Variants in DCDC1 observed in about 807,000 individuals in gnomAD.
The protein encoded by DCDC1 is doublecortin domain-containing protein 1.
DCDC1 carries 200 observed loss-of-function variants against 178.3 expected under a neutral mutation model. The ratio of observed to expected loss-of-function variants is 1.12; its 90% CI spans 1.00 to 1.26. The LOEUF (loss-of-function observed/expected upper bound fraction) is 1.26. Among genes scored for constraint, DCDC1 ranks in the 50% most tolerant of loss-of-function variants. The probability of loss-of-function intolerance (pLI) is 0.00; values close to 1 mark genes in which losing one functional copy is unlikely to be tolerated. For missense variants in DCDC1, 1,983 were observed against 1,749.2 expected (o/e 1.13, Z -2.38); for synonymous variants, 690 against 604.8 (o/e 1.14, Z -2.07).
chr11:31,334,796 C>T (rs1020880542), intron 2 of DCDC1, among the ~76,000 whole-genome samples: 2 of 152,150 alleles, frequency 1.3e-5, no homozygotes, highest in African/African-American at 4.8e-5. Flanking sequence ...GGGGTACCCG[C>T]CTATATGAGG....
intron 20 of DCDC1, among the ~76,000 whole-genome samples, chr11:31,011,665 A>C (rs967355511): frequency 6.6e-6 from 1 of 152,228 alleles, no homozygotes; most frequent in African/African-American, 2.4e-5. Context: ...CTATGTAAAA[A>C]TACAAATAAA....
chr11:31,039,361 A>G (rs1396963198), intron 20 of DCDC1, among the ~76,000 whole-genome samples: 1 of 152,214 alleles, frequency 6.6e-6, no homozygotes, highest in African/African-American at 2.4e-5. Flanking sequence ...ATGCTTTAAA[A>G]TGTAATATGC....
chr11:31,368,252 A>G (rs1264449870), intron 1 of DCDC1, among the ~76,000 whole-genome samples: 1 of 152,228 alleles, frequency 6.6e-6, no homozygotes, highest in Admixed American at 6.5e-5. Context: ...ATAAATAAAT[A>G]AGGTAACACA....
intron 1 of DCDC1, among the ~76,000 whole-genome samples, chr11:31,352,598 C>G (rs764753314): frequency 1.1e-4 from 16 of 152,098 alleles, no homozygotes; most frequent in Non-Finnish European, 1.5e-4. Flanking sequence ...CAATGTACAA[C>G]TCAATCTCAA....
intron 2 of DCDC1, among the ~76,000 whole-genome samples, chr11:31,328,575 G>A (rs550985926): frequency 6.6e-6 from 1 of 152,190 alleles, no homozygotes; most frequent in African/African-American, 2.4e-5. Context: ...AAGGCGGGCG[G>A]ATCACAAGGT....
chr11:31,212,027 G>A (rs1972595146), intron 9 of DCDC1, among the ~76,000 whole-genome samples: 1 of 149,748 alleles, frequency 6.7e-6, no homozygotes, highest in Non-Finnish European at 1.5e-5. Context: ...AGCTTGCAGT[G>A]AGCCAAGATC....
chr11:31,164,567 T>TA (rs546680815), intron 9 of DCDC1, among the ~76,000 whole-genome samples: 20 of 151,186 alleles, frequency 1.3e-4, no homozygotes, highest in Admixed American at 8.6e-4. Context: ...GTTTAAAACG[T>TA]AAAAAAAAAT....
chr11:31,245,296 C>T lies in DCDC1; in HGVS notation c.1055-3680G>A, dbSNP rs562631655. Reference sequence around the variant, plus strand: ...TAAAACCTTTTGGAGTTTGAAGTCACGATATTTTTTAGTTTAGTGAAAGCA... The same window carrying T: ...TAAAACCTTTTGGAGTTTGAAGTCATGATATTTTTTAGTTTAGTGAAAGCA... On this transcript the variant is annotated intron_variant, in intron 8 of 38. Transcript: ENST00000684477. Among the ~76,000 whole-genome samples the T allele has an allele frequency of 2.1e-4, 31 of 151,120 alleles. 1 individual carries two copies. The South Asian group carries it at 3.5e-3, about 17-fold the overall frequency.
chr11:31,291,473 G>C (rs1947225162), intron 6 of DCDC1, among the ~76,000 whole-genome samples: 1 of 152,034 alleles, frequency 6.6e-6, no homozygotes, highest in South Asian at 2.1e-4. Flanking sequence ...GCTGTGTGCA[G>C]AAATTTAAGT....
In DCDC1 at chr11:31,020,648, G is replaced by T. The variant is rs1424633732; in HGVS notation, c.2591+43821C>A. Reference sequence around the variant, plus strand: ...AGATGAGTCTCACTGTGTTGACCAGGTTGGTTTTGAACTCCTGGCCTCAAG... The same window carrying T: ...AGATGAGTCTCACTGTGTTGACCAGTTTGGTTTTGAACTCCTGGCCTCAAG... On this transcript the variant is annotated intron_variant, in intron 20 of 38. Coordinates refer to ENST00000684477, the MANE Select transcript of DCDC1 (RefSeq NM_001387274.1). 2.0e-5 allele frequency among the ~76,000 whole-genome samples: 3 copies of T among 152,090 alleles called. No homozygotes were observed. The East Asian group carries it at 5.8e-4, about 29-fold the overall frequency.
chr11:30,964,540 A>C (rs7117074), intron 20 of DCDC1, among the ~76,000 whole-genome samples: 72,760 of 151,916 alleles, frequency 0.48, 18,873 homozygotes, highest in Middle Eastern at 0.61. Flanking sequence ...ACCAGCTTAC[A>C]AAGACTCCCT....
intron 21 of DCDC1, among the ~76,000 whole-genome samples, chr11:30,939,520 A>G (rs905551758): frequency 6.6e-6 from 1 of 152,212 alleles, no homozygotes; most frequent in East Asian, 1.9e-4. Context: ...CCCTCACCAC[A>G]CAAGTCCCTC....
chr11:31,165,119 T>C (rs1293555018), intron 9 of DCDC1, among the ~76,000 whole-genome samples: 3 of 152,240 alleles, frequency 2.0e-5, no homozygotes, highest in Middle Eastern at 3.4e-3. Flanking sequence ...AAGAATAAAA[T>C]AGTCAGTCAT....
chr11:31,016,844 G>A (rs1952509902), intron 20 of DCDC1, among the ~76,000 whole-genome samples: 1 of 152,152 alleles, frequency 6.6e-6, no homozygotes, highest in Admixed American at 6.5e-5. Flanking sequence ...CACACCAGGT[G>A]ATTCTAATAT....
chr11:31,358,755 C>T (rs1951537739), intron 1 of DCDC1, among the ~76,000 whole-genome samples: 2 of 151,818 alleles, frequency 1.3e-5, no homozygotes, highest in African/African-American at 4.8e-5. Flanking sequence ...AAAAACAACC[C>T]CATCAAAAAG....
intron 9 of DCDC1, among the ~76,000 whole-genome samples, chr11:31,206,014 A>T (rs1482572937): frequency 6.6e-6 from 1 of 152,168 alleles, no homozygotes; most frequent in Non-Finnish European, 1.5e-5. Flanking sequence ...TTTCCCACCT[A>T]TCACTGTCCC....
At chr11:31,006,686 G>C (rs1421821846) in intron 20 of DCDC1, among the ~76,000 whole-genome samples, 1 of 152,140 alleles carries the variant, frequency 6.6e-6, no homozygotes, top group Non-Finnish European at 1.5e-5. Context: ...ACTTTGTCTG[G>C]AGCGTAGTAA....
chr11:31,216,138 GAA>G (rs1973527066), intron 9 of DCDC1, among the ~76,000 whole-genome samples: 1 of 152,086 alleles, frequency 6.6e-6, no homozygotes, highest in South Asian at 2.1e-4. Context: ...GAATCCCAGA[GAA>G]ACACTGGAAT....
At chr11:31,296,949 C>T (rs1026060935) in intron 6 of DCDC1, among the ~76,000 whole-genome samples, 6 of 152,124 alleles carry the variant, frequency 3.9e-5, no homozygotes, top group African/African-American at 1.4e-4. Flanking sequence ...ATGAGATTTC[C>T]GTGGGGACAC....
Sources: gnomAD v4.1 joint callset for allele counts (sites outside exome capture counted in the v4.1 genomes callset) on GRCh38, gnomAD v4.1.1 for gene constraint, MANE v1.5 for transcripts, NCBI Gene and HGNC (gene_info 2026-07-23, HGNC 2026-07-21) for gene names.